EPHB2: variants seen among roughly 807,000 people sequenced by gnomAD.
The protein encoded by EPHB2 is EPH receptor B2, also known as ephrin type-B receptor 2.
Under a neutral mutation model 96.4 loss-of-function variants are expected in EPHB2, and 18 were observed. That is an observed-to-expected ratio of 0.19 (90% CI 0.13 to 0.28). The LOEUF is 0.28. EPHB2 is among the 10% of genes least tolerant of loss of function. The pLI, the probability that EPHB2 is intolerant of heterozygous loss-of-function variation, is 1.00. For synonymous variants in EPHB2, 506 were observed against 534.1 expected, an observed-to-expected ratio of 0.95 and a Z score of 0.72; for missense variants, 989 against 1,355.4, an observed-to-expected ratio of 0.73 and a Z score of 4.25.
intron 3 of EPHB2, among the ~76,000 whole-genome samples, chr1:22,829,032 G>T (rs1645263998): frequency 6.6e-6 from 1 of 152,236 alleles, no homozygotes; most frequent in Admixed American, 6.5e-5. Context: ...AAGAACTGTG[G>T]AATATTCAAT....
intron 9 of EPHB2, among the ~76,000 whole-genome samples, chr1:22,904,011 G>T (rs1264940947): frequency 6.6e-6 from 1 of 152,252 alleles, no homozygotes; most frequent in Non-Finnish European, 1.5e-5. Context: ...GGTCAGGCCA[G>T]GCGCGGTGGC....
intron 3 of EPHB2, among the ~76,000 whole-genome samples, chr1:22,789,574 T>C (rs1183569046): frequency 6.6e-6 from 1 of 152,162 alleles, no homozygotes; most frequent in Non-Finnish European, 1.5e-5. Context: ...TTGAGTAACC[T>C]CTGTGGGTCA....
chr1:22,782,581 G>A (rs550513371), intron 2 of EPHB2, among the ~76,000 whole-genome samples: 1 of 152,174 alleles, frequency 6.6e-6, no homozygotes, highest in Non-Finnish European at 1.5e-5. Context: ...GCCCCACCTT[G>A]CCAGTAATGA....
chr1:22,774,627 C>T lies in EPHB2; in HGVS notation c.62-6794C>T, dbSNP rs1450501610. On this transcript the variant is annotated intron_variant, in intron 1 of 15. Transcript: ENST00000374630. ...GGCTGGATACGAGAGACACGGAAGA[C>T]GGTGGCTGGAAGGTAATTAGCTGGC... is the stretch of plus-strand genomic sequence containing the variant. 1.5e-5 allele frequency: 15 copies of T among 985,254 alleles called. No homozygotes were observed. The Admixed American group carries it at 1.8e-4, about 12-fold the overall frequency. The allele number at this position is 985,254 out of a possible 1,614,324, so 61.0% of individuals were successfully genotyped here. A position where few individuals can be genotyped will look rare whatever the true frequency, so the allele number is the denominator to read the frequency against.
chr1:22,864,797 G>C lies in EPHB2; in HGVS notation c.968-80G>C. On this transcript the variant is annotated intron_variant, in intron 4 of 15. Coordinates refer to ENST00000374630, the MANE Select transcript of EPHB2 (RefSeq NM_017449.5). ...AAGTCCTTTCAGAGGGGCTGAGCCA[G>C]AGCAGCGGGCACAGAGTGGTCACAT... The C allele has an allele frequency of 5.5e-6, 5 of 904,286 alleles. No homozygotes were observed. The South Asian group carries it at 6.6e-5, about 12-fold the overall frequency. The allele number at this position is 904,286 out of a possible 1,614,324, so 56.0% of individuals were successfully genotyped here.
intron 6 of EPHB2, among the ~76,000 whole-genome samples, chr1:22,888,047 T>G (rs12045933): frequency 4.0e-5 from 6 of 151,544 alleles, no homozygotes; most frequent in Non-Finnish European, 7.4e-5. Context: ...TTTTTGGGGG[T>G]TTTTTTTGTG....
intron 3 of EPHB2, among the ~76,000 whole-genome samples, chr1:22,825,541 T>A (rs1645210828): frequency 6.6e-6 from 1 of 152,168 alleles, no homozygotes; most frequent in Non-Finnish European, 1.5e-5. Context: ...GGCTTACACC[T>A]CACTCCCATC....
chr1:22,906,723 G>A lies in EPHB2; in HGVS notation c.1902G>A (p.Glu634=), dbSNP rs1169827193. The part of the protein sequence containing the change: ...EQVIGAGEFG[E]VCSGHLKLPG... Reference sequence around the variant, plus strand: ...TTTCTCTCTCAGGGGAGTTTGGCGAGGTCTGCAGTGGCCACCTGAAGCTGC... The same window carrying A: ...TTTCTCTCTCAGGGGAGTTTGGCGAAGTCTGCAGTGGCCACCTGAAGCTGC... The change falls in exon 11 of 16, where the codon GAG becomes GAA. Residue 634 remains glutamate (E), a synonymous_variant. Transcript: ENST00000374630. The surrounding 1 kb of genome is among the most constrained non-coding windows in gnomAD (Gnocchi z 4.8). 8 of 1,614,172 alleles carry A rather than the reference G, an allele frequency of 5.0e-6. No individual in the cohort carries two copies. The highest frequency in any genetic ancestry group is 6.8e-6 in the Non-Finnish European group (8 of 1,180,040).
rs559189740 is a variant in EPHB2 at position 22,835,115 on chromosome 1, A to C, written c.812-27922A>C. On this transcript the variant is annotated intron_variant, in intron 3 of 15. Coordinates refer to ENST00000374630, the MANE Select transcript of EPHB2 (RefSeq NM_017449.5). The stretch of plus-strand genomic sequence containing the variant: ...ACCTATTGGCCGGGCACAGTGGCTC[A>C]CACCTGTAGTCCCAGCACTTTGGGA... Among the ~76,000 whole-genome samples the C allele has an allele frequency of 2.6e-5, 4 of 152,194 alleles. No homozygotes were observed. In the East Asian group the frequency reaches 7.7e-4, roughly 29 times the overall value.
rs183830148 is a variant in EPHB2 at position 22,918,882 on chromosome 1, T to C, written c.*5312T>C. 3.9e-5 allele frequency: 6 copies of C among 152,322 alleles called. No homozygotes were observed. The highest frequency in any genetic ancestry group is 1.2e-4 in the African/African-American group (5 of 41,560). The allele number at this position is 152,322 out of a possible 1,614,324, so 9.4% of individuals were successfully genotyped here. On this transcript the variant is annotated 3_prime_UTR_variant, in exon 16 of 16. Transcript: ENST00000374630. The surrounding 1 kb of genome is among the most constrained non-coding windows in gnomAD (Gnocchi z 4.2). ...TGCCAGGTGCCAAAGCATTATCCTC[T>C]CCACTTTATGAGTGAGGAAACTGAT...
At chr1:22,847,260 T>C (rs1645557162) in intron 3 of EPHB2, among the ~76,000 whole-genome samples, 1 of 152,146 alleles carries the variant, frequency 6.6e-6, no homozygotes, top group Admixed American at 6.5e-5. Flanking sequence ...CAAAGACAGT[T>C]TGAGGAGCTT....
At chr1:22,830,102 G>A (rs1003495197) in intron 3 of EPHB2, among the ~76,000 whole-genome samples, 2 of 152,172 alleles carry the variant, frequency 1.3e-5, no homozygotes, top group Non-Finnish European at 2.9e-5. Flanking sequence ...CCTTCCTTTA[G>A]AAACAAGAAA....
rs751624607 is a variant in EPHB2, at chr1:22,733,040, CCTTT to C, written c.61+22018_61+22021del. On this transcript the variant is annotated intron_variant, in intron 1 of 15. Transcript: ENST00000374630. This position sits in a 1 kb window ranked among gnomAD's most constrained non-coding sequence, Gnocchi z 4.6. ...TCTGTATGTTCCCCCTCCTAGGCTG[CCTTT>C]CTTTCTTTCTTTCTTTCTTTTTTTT... Among the ~76,000 whole-genome samples, 20 of 152,076 alleles carry C rather than the reference CCTTT, an allele frequency of 1.3e-4. No homozygotes were observed. In the East Asian group the frequency reaches 1.4e-3, roughly 10 times the overall value.
intron 3 of EPHB2, among the ~76,000 whole-genome samples, chr1:22,815,305 A>G (rs1459899351): frequency 1.3e-5 from 2 of 152,168 alleles, no homozygotes; most frequent in African/African-American, 2.4e-5. Flanking sequence ...TTGAGTCCCA[A>G]AGTGCAGCCC....
intron 1 of EPHB2, among the ~76,000 whole-genome samples, chr1:22,759,773 T>A (rs1644208677): frequency 6.6e-6 from 1 of 152,162 alleles, no homozygotes; most frequent in Non-Finnish European, 1.5e-5. Context: ...GGAGGTGTCA[T>A]CCTCACAAGG....
At chr1:22,760,567 A>G (rs2148393854) in intron 1 of EPHB2, among the ~76,000 whole-genome samples, 1 of 152,320 alleles carries the variant, frequency 6.6e-6, no homozygotes, top group Middle Eastern at 3.4e-3. Flanking sequence ...TGAAAAGCTG[A>G]GCTCCTCAGA....
chr1:22,872,498 C>A (rs1638705879), intron 5 of EPHB2, among the ~76,000 whole-genome samples: 1 of 152,152 alleles, frequency 6.6e-6, no homozygotes, highest in African/African-American at 2.4e-5. Context: ...TTTGGGGGGT[C>A]ATTATTCTGC....
intron 1 of EPHB2, among the ~76,000 whole-genome samples, chr1:22,764,870 G>A (rs753188651): frequency 2.6e-5 from 4 of 152,304 alleles, no homozygotes; most frequent in Non-Finnish European, 4.4e-5. Context: ...GCTCCCCTGC[G>A]ACTCGCTCCA....
chr1:22,756,013 T>C (rs1442353851), intron 1 of EPHB2, among the ~76,000 whole-genome samples: 1 of 152,132 alleles, frequency 6.6e-6, no homozygotes, highest in Non-Finnish European at 1.5e-5. Context: ...AGCCACATTC[T>C]GACCCTGGGC....
Sources: allele counts gnomAD v4.1 joint callset (sites outside exome capture counted in the v4.1 genomes callset), GRCh38; gene constraint gnomAD v4.1.1; non-coding constraint Gnocchi (gnomAD v3.1); transcripts MANE v1.5; gene names NCBI Gene and HGNC (gene_info 2026-07-23, HGNC 2026-07-21).